SLCO1A2: variants seen among roughly 807,000 people sequenced by gnomAD.
SLCO1A2 encodes the protein solute carrier organic anion transporter family member 1A2.
Under a neutral mutation model 69.0 loss-of-function variants are expected in SLCO1A2, and 67 were observed. That is an observed-to-expected ratio of 0.97 (90% confidence interval 0.80 to 1.19). The LOEUF (loss-of-function observed/expected upper bound fraction) is 1.19. Among genes scored for constraint, SLCO1A2 ranks in the 50% most tolerant of loss-of-function variants. SLCO1A2 has a pLI of 0.00. For missense variants in SLCO1A2, 787 were observed against 793.7 expected (o/e 0.99, Z 0.10); for synonymous variants, 260 against 265.9 (o/e 0.98, Z 0.22).
chr12:21,326,808 T>A (rs1591847719), intron 2 of SLCO1A2, among the ~76,000 whole-genome samples: 1 of 152,150 alleles, frequency 6.6e-6, no homozygotes, highest in South Asian at 2.1e-4. Context: ...AAGATATGGT[T>A]TGAAATTGGA....
intron 4 of SLCO1A2, chr12:21,311,587 A>G (rs1473471130): frequency 6.6e-6 from 1 of 151,178 alleles, no homozygotes; most frequent in African/African-American, 2.4e-5. Flanking sequence ...AACTAGATGC[A>G]TTGTCAATTA....
chr12:21,367,029 A>C (rs527860570), intron 2 of SLCO1A2, among the ~76,000 whole-genome samples: 34 of 152,216 alleles, frequency 2.2e-4, no homozygotes, highest in Middle Eastern at 6.8e-3. Context: ...CAATAGAAAA[A>C]GATCCACACC....
chr12:21,347,648 AG>A (rs1292921171), intron 2 of SLCO1A2, among the ~76,000 whole-genome samples: 2 of 54,106 alleles, frequency 3.7e-5, no homozygotes, highest in Non-Finnish European at 8.3e-5. Flanking sequence ...AACTCTGGAA[AG>A]AAGGAAAGAA....
intron 1 of SLCO1A2, among the ~76,000 whole-genome samples, chr12:21,416,158 C>G (rs1047091430): frequency 1.3e-5 from 2 of 151,738 alleles, no homozygotes; most frequent in Non-Finnish European, 2.9e-5. Flanking sequence ...GTATCTGTAA[C>G]CTAATCTGTT....
At position 21,264,809 on chromosome 12, in the gene SLCO1A2, G is replaced by A. The variant is rs1410240323; in HGVS notation, c.*4739C>T. On this transcript the variant is annotated 3_prime_UTR_variant, in exon 15 of 15. Coordinates refer to ENST00000683939, the MANE Select transcript of SLCO1A2 (RefSeq NM_001386879.1). ...CTGCCAAAGAGGCCTCTGACCACAG[G>A]ATCATTTGATCATTACTAACTGTGC... is the stretch of plus-strand genomic sequence containing the variant. 1 of 152,118 alleles carries A rather than the reference G, an allele frequency of 6.6e-6. No individual in the cohort carries two copies. The highest frequency in any genetic ancestry group is 1.5e-5 in the Non-Finnish European group (1 of 68,040). The allele number at this position is 152,118 out of a possible 1,614,324, so 9.4% of individuals were successfully genotyped here.
At chr12:21,364,570 A>C (rs1939214449) in intron 2 of SLCO1A2, among the ~76,000 whole-genome samples, 1 of 152,212 alleles carries the variant, frequency 6.6e-6, no homozygotes. Context: ...AGAGAAAGAA[A>C]TAAAGGGTAT....
At chr12:21,365,550 A>G (rs1939307756) in intron 2 of SLCO1A2, among the ~76,000 whole-genome samples, 1 of 152,200 alleles carries the variant, frequency 6.6e-6, no homozygotes, top group South Asian at 2.1e-4. Context: ...GACAAATGGG[A>G]ACTAATTGAA....
chr12:21,404,113 T>C (rs1941783727), intron 1 of SLCO1A2, among the ~76,000 whole-genome samples: 1 of 152,196 alleles, frequency 6.6e-6, no homozygotes, highest in Admixed American at 6.6e-5. Flanking sequence ...CAGATTATTG[T>C]ATCAGTAACT....
At chr12:21,370,629 T>C (rs1939714540) in intron 2 of SLCO1A2, among the ~76,000 whole-genome samples, 1 of 152,040 alleles carries the variant, frequency 6.6e-6, no homozygotes, top group African/African-American at 2.4e-5. Context: ...AGGATCCATT[T>C]TGAATGTTAT....
At chr12:21,366,275 C>T (rs1411243035) in intron 2 of SLCO1A2, among the ~76,000 whole-genome samples, 1 of 151,944 alleles carries the variant, frequency 6.6e-6, no homozygotes, top group Non-Finnish European at 1.5e-5. Context: ...TGGAAACCAT[C>T]ATTCTGAGCA....
intron 2 of SLCO1A2, among the ~76,000 whole-genome samples, chr12:21,359,316 C>T (rs1261392036): frequency 6.6e-6 from 1 of 151,972 alleles, no homozygotes; most frequent in Non-Finnish European, 1.5e-5. Context: ...AGAAGAAAAA[C>T]ACTAGTTTAA....
rs759896039 is a variant in SLCO1A2 at position 21,314,673 on chromosome 12, A to G, written c.211T>C (p.Leu71=). The change falls in exon 4 of 15, where the codon TTG becomes CTG. Residue 71 remains leucine, a synonymous_variant. Transcript: ENST00000683939. ...AAATAACTCACAAATATAATCAACAAAAGATTTCCTAGGAAAAAATTGAGA... is the reference window on the plus strand; with the variant it reads ...AAATAACTCACAAATATAATCAACAGAAGATTTCCTAGGAAAAAATTGAGA... ...INGSFEIGNL[L]LIIFVSYFGT... is the part of the protein sequence containing the mutation. 6.9e-6 allele frequency: 11 copies of G among 1,600,930 alleles called. No individual in the cohort carries two copies. The highest frequency in any genetic ancestry group is 9.4e-6 in the Non-Finnish European group (11 of 1,168,714).
chr12:21,351,166 C>A (rs559879844), intron 2 of SLCO1A2, among the ~76,000 whole-genome samples: 201 of 152,228 alleles, frequency 1.3e-3, no homozygotes, highest in African/African-American at 4.6e-3. Context: ...AAGAAGTTAG[C>A]AGCTTGGAAG....
chr12:21,265,797 C>T lies in SLCO1A2; in HGVS notation c.*3751G>A, dbSNP rs1171998289. 1 of 152,114 alleles carries T rather than the reference C, an allele frequency of 6.6e-6. No individual in the cohort carries two copies. The highest frequency in any genetic ancestry group is 1.5e-5 in the Non-Finnish European group (1 of 68,034). The allele number at this position is 152,114 out of a possible 1,614,324, so 9.4% of individuals were successfully genotyped here. On this transcript the variant is annotated 3_prime_UTR_variant, in exon 15 of 15. Transcript: ENST00000683939. ...CCTACTTGCCTCTTTTTCCTTTTCCCCTTGGTAATAAATTTGAGGGATCTA... is the reference window on the plus strand; with the variant it reads ...CCTACTTGCCTCTTTTTCCTTTTCCTCTTGGTAATAAATTTGAGGGATCTA...
intron 2 of SLCO1A2, among the ~76,000 whole-genome samples, chr12:21,362,043 A>G (rs1201979604): frequency 6.6e-6 from 1 of 152,122 alleles, no homozygotes; most frequent in Admixed American, 6.5e-5. Context: ...AAATACAGAG[A>G]ATGCCACAAA....
intron 1 of SLCO1A2, among the ~76,000 whole-genome samples, chr12:21,392,376 T>G (rs1941203055): frequency 6.6e-6 from 1 of 152,178 alleles, no homozygotes; most frequent in Admixed American, 6.6e-5. Context: ...TCCTGGCAGG[T>G]GGATCCAGCC....
chr12:21,333,048 T>C (rs1428699455), intron 2 of SLCO1A2, among the ~76,000 whole-genome samples: 1 of 152,090 alleles, frequency 6.6e-6, no homozygotes, highest in Non-Finnish European at 1.5e-5. Flanking sequence ...TTGAATACCA[T>C]TTGTGGATAT....
rs1942341522 is a variant in SLCO1A2, at chr12:21,268,881, C to T, written c.*667G>A. On this transcript the variant is annotated 3_prime_UTR_variant, in exon 15 of 15. Transcript: ENST00000683939. ...TGGATTTGAATTACTGAAAAAAAAT[C>T]CAACAATCTTTGCCTCATGATGTTT... is the stretch of plus-strand genomic sequence containing the variant. 1 of 151,824 alleles carries T rather than the reference C, an allele frequency of 6.6e-6. No individual in the cohort carries two copies. 9.4% of individuals were successfully genotyped at this position (151,824 alleles called of 1,614,324 possible). A position where few individuals can be genotyped will look rare whatever the true frequency, so the allele number is the denominator to read the frequency against.
At chr12:21,276,834 T>C (rs1337079546) in intron 12 of SLCO1A2, among the ~76,000 whole-genome samples, 2 of 152,186 alleles carry the variant, frequency 1.3e-5, no homozygotes, top group Admixed American at 6.5e-5. Flanking sequence ...TTCTTACCCA[T>C]GGAGGGAGCA....
Sources: allele counts gnomAD v4.1 joint callset (sites outside exome capture counted in the v4.1 genomes callset), GRCh38; gene constraint gnomAD v4.1.1; transcripts MANE v1.5; gene names NCBI Gene and HGNC (gene_info 2026-07-23, HGNC 2026-07-21).